The following CTBP2 variants were observed in gnomAD, a reference collection of about 807,000 sequenced individuals.
CTBP2 encodes the protein C-terminal binding protein 2.
A neutral mutation model predicts 80.3 loss-of-function variants in CTBP2; 30 were observed. The ratio of observed to expected loss-of-function variants is 0.37; its 90% confidence interval spans 0.28 to 0.51. The LOEUF is 0.51. Among genes scored for constraint, CTBP2 ranks in the 20% least tolerant of loss-of-function variants. The pLI is 0.93. For missense variants in CTBP2, 1,212 were observed against 1,375.3 expected (o/e 0.88, Z 1.88); for synonymous variants, 594 against 587.4 (o/e 1.01, Z -0.16).
chr10:125,019,600 G>A (rs1956850801), intron 1 of CTBP2, among the ~76,000 whole-genome samples: 1 of 152,092 alleles, frequency 6.6e-6, no homozygotes, highest in Non-Finnish European at 1.5e-5. Context: ...AAAGCACAAA[G>A]CAAACACTGG....
intron 1 of CTBP2, among the ~76,000 whole-genome samples, chr10:125,141,683 A>C (rs192673942): frequency 1.1e-3 from 173 of 152,298 alleles, no homozygotes; most frequent in Admixed American, 3.3e-3. Context: ...GTACACAGCG[A>C]GCACACAGTA....
At chr10:125,062,395 A>G (rs1293589516) in intron 2 of CTBP2, among the ~76,000 whole-genome samples, 3 of 152,184 alleles carry the variant, frequency 2.0e-5, no homozygotes, top group Non-Finnish European at 4.4e-5. Flanking sequence ...AATGAGGGTG[A>G]TGAGGACATC....
chr10:125,035,492 G>A (rs1445578062), intron 3 of CTBP2, among the ~76,000 whole-genome samples: 3 of 152,192 alleles, frequency 2.0e-5, no homozygotes, highest in East Asian at 1.9e-4. Flanking sequence ...GCAGTAAAAC[G>A]AAACACATAC....
chr10:124,986,476 T>G lies in CTBP2; in HGVS notation c.*3042A>C, dbSNP rs1952046605. Reference sequence around the variant, plus strand: ...AAATACCCACAAAACTGTCATGTCTTTAGTTCTTTCCCCCCGAAAACTCAG... The same window carrying G: ...AAATACCCACAAAACTGTCATGTCTGTAGTTCTTTCCCCCCGAAAACTCAG... On this transcript the variant is annotated 3_prime_UTR_variant, in exon 9 of 9. Transcript: ENST00000309035. The G allele has an allele frequency of 6.6e-6, 1 of 152,192 alleles. No homozygotes were observed. 9.4% of individuals were successfully genotyped at this position (152,192 alleles called of 1,614,324 possible). A position where few individuals can be genotyped will look rare whatever the true frequency, so the allele number is the denominator to read the frequency against.
rs777712274 is a variant in CTBP2 at position 125,026,911 on chromosome 10, A to G, written c.849T>C (p.Pro283=). ...CAGGGAGCACGGTCCTCTTGCCACC[A>G]GGACCCTGGAAGGTGGACAGGTCAG... is the stretch of plus-strand genomic sequence containing the variant. The change falls in exon 1 of 9, where the codon CCT becomes CCC. Residue 283 remains proline (P), a synonymous_variant. Transcript: ENST00000309035. The G allele has an allele frequency of 6.2e-7, 1 of 1,613,920 alleles. No homozygotes were observed. The highest frequency in any genetic ancestry group is 2.2e-5 in the East Asian group (1 of 44,882).
At position 124,992,745 on chromosome 10, in the gene CTBP2, T is replaced by A. The variant is rs933220172; in HGVS notation, c.2727A>T (p.Ser909=). Residue 909 remains serine (S), a synonymous_variant, in exon 8 of 9, where the codon TCA becomes TCT. Coordinates refer to ENST00000309035, the MANE Select transcript of CTBP2 (RefSeq NM_022802.3). ...GATGAATTGCTTGCTGGTCTATTAC[T>A]GACCAAGGCGCTGATGTGACAAAGA... is the stretch of plus-strand genomic sequence containing the variant. 1.2e-6 allele frequency: 2 copies of A among 1,609,520 alleles called. No individual in the cohort carries two copies.
chr10:125,149,592 CCAGAGCCCCAG>C (rs1320097402), intron 1 of CTBP2, among the ~76,000 whole-genome samples: 7 of 152,216 alleles, frequency 4.6e-5, no homozygotes, highest in Non-Finnish European at 8.8e-5. Context: ...CCCGGCCCCA[CCAGAGCCCCAG>C]CGGAAACCAA....
Position 124,992,608 on chromosome 10 carries a change from T to C in CTBP2, c.2777+87A>G, listed in dbSNP as rs998539282. 10 of 917,714 alleles carry C rather than the reference T, an allele frequency of 1.1e-5. No individual in the cohort carries two copies. The East Asian group carries it at 2.4e-4, about 22-fold the overall frequency. The allele number at this position is 917,714 out of a possible 1,614,324, so 56.8% of individuals were successfully genotyped here. A position where few individuals can be genotyped will look rare whatever the true frequency, so the allele number is the denominator to read the frequency against. On this transcript the variant is annotated intron_variant, in intron 8 of 8. Coordinates refer to ENST00000309035, the MANE Select transcript of CTBP2 (RefSeq NM_022802.3). ...ACCCTGACTTAGCATCTGCGGGAGG[T>C]TAAGCTTCCGCCAAGTTTGGGCTTC...
chr10:125,111,310 C>G (rs1291156908), intron 1 of CTBP2, among the ~76,000 whole-genome samples: 1 of 152,208 alleles, frequency 6.6e-6, no homozygotes, highest in African/African-American at 2.4e-5. Flanking sequence ...CCCTTTCCAT[C>G]TATTTTGACA....
chr10:125,139,285 C>T (rs1264346702), intron 1 of CTBP2, among the ~76,000 whole-genome samples: 1 of 147,584 alleles, frequency 6.8e-6, no homozygotes, highest in African/African-American at 2.5e-5. Flanking sequence ...GCATGAATTG[C>T]TTCAAACCAG....
At chr10:125,023,184 T>C (rs1356050563) in intron 1 of CTBP2, among the ~76,000 whole-genome samples, 1 of 152,234 alleles carries the variant, frequency 6.6e-6, no homozygotes, top group Non-Finnish European at 1.5e-5. Flanking sequence ...AGGGGTCACA[T>C]GTGCCCCCAT....
intron 1 of CTBP2, among the ~76,000 whole-genome samples, chr10:125,004,326 CAG>C (rs945154874): frequency 2.0e-4 from 31 of 152,234 alleles, no homozygotes; most frequent in African/African-American, 7.0e-4. Context: ...ACATACAGGG[CAG>C]ACACCCTGCG....
At chr10:125,004,608 G>A (rs1329883716) in intron 1 of CTBP2, among the ~76,000 whole-genome samples, 1 of 152,196 alleles carries the variant, frequency 6.6e-6, no homozygotes, top group East Asian at 1.9e-4. Context: ...AAGGGGCAAT[G>A]TCTCTTGTCA....
intron 2 of CTBP2, among the ~76,000 whole-genome samples, chr10:125,057,272 G>A (rs749143099): frequency 3.9e-5 from 6 of 152,254 alleles, no homozygotes; most frequent in Non-Finnish European, 7.3e-5. Flanking sequence ...CAAAAGGTCA[G>A]CAGGAAGTGA....
intron 1 of CTBP2, chr10:125,025,972 G>A (rs1957491038): frequency 1.5e-6 from 2 of 1,352,478 alleles, no homozygotes; most frequent in South Asian, 2.8e-5. Flanking sequence ...GTGTGTGTGT[G>A]TGTGGCCTGG....
chr10:125,002,887 T>G, intron 3 of CTBP2, 73 bp downstream of exon 5: 1 of 1,571,928 alleles, frequency 6.4e-7, no homozygotes, highest in Non-Finnish European at 8.6e-7. Context: ...TCCAGCTGCT[T>G]CTCCAAGCCC....
chr10:125,008,784 A>G (rs572218205), intron 1 of CTBP2, among the ~76,000 whole-genome samples: 1 of 152,258 alleles, frequency 6.6e-6, no homozygotes, highest in Non-Finnish European at 1.5e-5. Flanking sequence ...TAACATTCTT[A>G]AATATTTGCT....
At chr10:125,020,454 G>GC (rs1564722135) in intron 1 of CTBP2, among the ~76,000 whole-genome samples, 2 of 152,168 alleles carry the variant, frequency 1.3e-5, no homozygotes, top group Admixed American at 1.3e-4. Context: ...AAGACAGAAC[G>GC]CCCCTGTAGA....
At chr10:125,136,994 A>G (rs1031219485) in intron 1 of CTBP2, among the ~76,000 whole-genome samples, 38 of 152,290 alleles carry the variant, frequency 2.5e-4, no homozygotes, top group African/African-American at 8.7e-4. Flanking sequence ...AACCTGACCC[A>G]CCCAAATCTT....
Sources: gnomAD v4.1 joint callset for allele counts (sites outside exome capture counted in the v4.1 genomes callset) on GRCh38, gnomAD v4.1.1 for gene constraint, MANE v1.5 for transcripts, NCBI Gene and HGNC (gene_info 2026-07-23, HGNC 2026-07-21) for gene names.